Variants in ITGA1 observed in about 807,000 individuals in gnomAD.
ITGA1 encodes integrin subunit alpha 1.
A neutral mutation model predicts 145.9 loss-of-function variants in ITGA1; 85 were observed. The ratio of observed to expected loss-of-function variants is 0.58; its 90% CI spans 0.49 to 0.70. The LOEUF (loss-of-function observed/expected upper bound fraction) is 0.70. Among genes scored for constraint, ITGA1 ranks in the 30% least tolerant of loss-of-function variants. The probability of loss-of-function intolerance (pLI) is 0.00; values close to 1 mark genes in which losing one functional copy is unlikely to be tolerated. For missense variants in ITGA1, 1,351 were observed against 1,418.7 expected, an observed-to-expected ratio of 0.95 and a Z score of 0.77; for synonymous variants, 520 against 495.3, an observed-to-expected ratio of 1.05 and a Z score of -0.66.
chr5:52,835,479 G>A (rs1276901642), intron 1 of ITGA1, among the ~76,000 whole-genome samples: 1 of 152,090 alleles, frequency 6.6e-6, no homozygotes, highest in African/African-American at 2.4e-5. Flanking sequence ...GCAGAAGTTC[G>A]ATTGAGAATA....
At chr5:52,906,419 T>A (rs767975471) in intron 12 of ITGA1, among the ~76,000 whole-genome samples, 1 of 152,186 alleles carries the variant, frequency 6.6e-6, no homozygotes, top group Non-Finnish European at 1.5e-5. Context: ...AATGGGAAAT[T>A]GTCTGTAATA....
At chr5:52,915,011 GT>G (rs1179914261) in intron 14 of ITGA1, among the ~76,000 whole-genome samples, 1 of 152,138 alleles carries the variant, frequency 6.6e-6, no homozygotes, top group Non-Finnish European at 1.5e-5. Context: ...GATGGGATGT[GT>G]TATTTATACC....
chr5:52,906,557 T>C (rs1750411660), intron 12 of ITGA1, among the ~76,000 whole-genome samples: 1 of 152,226 alleles, frequency 6.6e-6, no homozygotes, highest in Non-Finnish European at 1.5e-5. Flanking sequence ...TGCAAACATT[T>C]ACACACACAC....
chr5:52,937,338 C>T (rs2111896594), intron 23 of ITGA1, 63 bp from the exon 24 acceptor site: 1 of 1,097,582 alleles, frequency 9.1e-7, no homozygotes, highest in Non-Finnish European at 1.4e-6. Flanking sequence ...CAAAGCCCTA[C>T]ATAAGACAGA....
At chr5:52,868,765 C>T (rs1221363621) in intron 6 of ITGA1, among the ~76,000 whole-genome samples, 1 of 152,174 alleles carries the variant, frequency 6.6e-6, no homozygotes, top group Non-Finnish European at 1.5e-5. Context: ...TGCACAGTGT[C>T]GTTTACATTA....
chr5:52,838,164 A>G (rs537185266), intron 1 of ITGA1, among the ~76,000 whole-genome samples: 1 of 152,364 alleles, frequency 6.6e-6, no homozygotes, highest in Admixed American at 6.5e-5. Context: ...AGTGAATGAT[A>G]TAATGGAAAA....
chr5:52,838,424 T>A (rs1580055565), intron 1 of ITGA1, among the ~76,000 whole-genome samples: 1 of 152,074 alleles, frequency 6.6e-6, no homozygotes, highest in East Asian at 1.9e-4. Flanking sequence ...ACTGTCAGAG[T>A]GTGCACAGTA....
chr5:52,889,524 C>G (rs560008102), intron 8 of ITGA1: 1 of 152,176 alleles, frequency 6.6e-6, no homozygotes, highest in African/African-American at 2.4e-5. Context: ...CCTTCTTAAT[C>G]AAACTATCAG....
chr5:52,845,208 A>T (rs541867082), intron 1 of ITGA1, among the ~76,000 whole-genome samples: 1 of 152,262 alleles, frequency 6.6e-6, no homozygotes, highest in African/African-American at 2.4e-5. Flanking sequence ...TTTTGGAGAA[A>T]ATGTATTAAA....
Position 52,906,271 on chromosome 5 carries a change from C to T in ITGA1, c.1455+363C>T, listed in dbSNP as rs923132009. On this transcript the variant is annotated intron_variant, in intron 12 of 28. Coordinates refer to ENST00000282588, the MANE Select transcript of ITGA1 (RefSeq NM_181501.2). The stretch of plus-strand genomic sequence containing the variant: ...GAAAAGCTTATTAGAAGATGAAATT[C>T]GGGCTGAATCTACAAGGGATGATAG... 4.6e-5 allele frequency among the ~76,000 whole-genome samples: 7 copies of T among 152,120 alleles called. No homozygotes were observed. In the East Asian group the frequency reaches 9.7e-4, roughly 21 times the overall value.
chr5:52,789,478 T>C (rs1580016775), intron 1 of ITGA1, among the ~76,000 whole-genome samples: 1 of 152,190 alleles, frequency 6.6e-6, no homozygotes, highest in African/African-American at 2.4e-5. Context: ...TTGTTAAGTT[T>C]TATGAAGATG....
chr5:52,899,392 A>G (rs1456415753), intron 11 of ITGA1, among the ~76,000 whole-genome samples: 1 of 152,184 alleles, frequency 6.6e-6, no homozygotes, highest in Non-Finnish European at 1.5e-5. Flanking sequence ...TAAGAAGAAT[A>G]AAAGGACTAG....
chr5:52,925,918 T>C (rs60925406), intron 19 of ITGA1, among the ~76,000 whole-genome samples: 9,886 of 152,182 alleles, frequency 0.065, 567 homozygotes, highest in Admixed American at 0.18. Flanking sequence ...TGGCAAGATA[T>C]TTGTATTAAA....
intron 1 of ITGA1, among the ~76,000 whole-genome samples, chr5:52,815,009 T>G (rs1484875374): frequency 1.3e-5 from 2 of 152,076 alleles, no homozygotes; most frequent in Non-Finnish European, 2.9e-5. Flanking sequence ...AAGAGGAAAA[T>G]GATGATGTAC....
At position 52,915,547 on chromosome 5, in the gene ITGA1, T is replaced by C. The variant is rs1336655589; in HGVS notation, c.1941T>C (p.Gly647=). The C allele has an allele frequency of 1.2e-6, 2 of 1,614,068 alleles. No individual in the cohort carries two copies. Among genetic ancestry groups the C allele is most frequent in the East Asian group, 2.2e-5 (1 of 44,860 alleles). ...IHGEMDLNGD[G]LTDVTIGGLG... is the part of the protein sequence containing the mutation. ...GAGAAATGGATTTAAATGGTGACGGTCTGACAGATGTGACTATTGGGGGCC... is the reference window on the plus strand; with the variant it reads ...GAGAAATGGATTTAAATGGTGACGGCCTGACAGATGTGACTATTGGGGGCC... Residue 647 remains glycine, a synonymous_variant, in exon 15 of 29, where the codon GGT becomes GGC. Transcript: ENST00000282588.
chr5:52,823,710 A>G (rs1467086418), intron 1 of ITGA1, among the ~76,000 whole-genome samples: 1 of 152,202 alleles, frequency 6.6e-6, no homozygotes, highest in Non-Finnish European at 1.5e-5. Context: ...AAATATCCCA[A>G]CGGAGACTGA....
chr5:52,827,517 A>G (rs1440854160), intron 1 of ITGA1, among the ~76,000 whole-genome samples: 2 of 152,196 alleles, frequency 1.3e-5, no homozygotes, highest in Non-Finnish European at 2.9e-5. Context: ...CTGTGGGTAA[A>G]GTGTGATACA....
At chr5:52,830,547 C>T (rs1749043249) in intron 1 of ITGA1, among the ~76,000 whole-genome samples, 1 of 152,060 alleles carries the variant, frequency 6.6e-6, no homozygotes, top group East Asian at 1.9e-4. Context: ...GAAAGTTACT[C>T]CATGTTGGTA....
At chr5:52,919,385 G>T (rs778972971) in intron 16 of ITGA1, among the ~76,000 whole-genome samples, 1 of 152,082 alleles carries the variant, frequency 6.6e-6, no homozygotes, top group African/African-American at 2.4e-5. Flanking sequence ...CCTAGTTTCC[G>T]AGAGTCAGAC....
Sources: gnomAD v4.1 joint callset for allele counts (sites outside exome capture counted in the v4.1 genomes callset) on GRCh38, gnomAD v4.1.1 for gene constraint, MANE v1.5 for transcripts, NCBI Gene and HGNC (gene_info 2026-07-23, HGNC 2026-07-21) for gene names.